Variants in ASIC2 observed in about 807,000 individuals in gnomAD.
ASIC2 encodes acid sensing ion channel subunit 2.
ASIC2 carries 25 observed loss-of-function variants against 57.3 expected under a neutral mutation model. The observed-to-expected ratio is 0.44, with a 90% CI of 0.32 to 0.61. ASIC2 has a LOEUF of 0.61. Among genes scored for constraint, ASIC2 ranks in the 20% least tolerant of loss-of-function variants. The pLI, the probability that ASIC2 is intolerant of heterozygous loss-of-function variation, is 0.06. For synonymous variants in ASIC2, 319 were observed against 307.5 expected, an observed-to-expected ratio of 1.04 and a Z score of -0.39; for missense variants, 641 against 738.1, an observed-to-expected ratio of 0.87 and a Z score of 1.52.
At chr17:33,440,143 G>A (rs926963112) in intron 1 of ASIC2, among the ~76,000 whole-genome samples, 1 of 152,070 alleles carries the variant, frequency 6.6e-6, no homozygotes, top group Non-Finnish European at 1.5e-5. Flanking sequence ...GCCCATTTGC[G>A]GTCAATCCAC....
rs35560031 is a variant in ASIC2, at chr17:33,560,181, G to A, written c.556-448114C>T. Among the ~76,000 whole-genome samples the A allele has an allele frequency of 7.6e-3, 1,160 of 152,312 alleles. 9 individuals are homozygous for A. Among genetic ancestry groups the A allele is most frequent in the African/African-American group, 0.025 (1,023 of 41,560 alleles). On this transcript the variant is annotated intron_variant, in intron 1 of 9. Coordinates refer to the ASIC2 transcript ENST00000359872. The stretch of plus-strand genomic sequence containing the variant: ...CACAGACAGACAGATGGACATGTGC[G>A]CAGGCAGAGGCAATCATCAATTTGC...
chr17:33,757,613 A>T (rs1386603364), intron 1 of ASIC2, among the ~76,000 whole-genome samples: 1 of 152,218 alleles, frequency 6.6e-6, no homozygotes, highest in East Asian at 1.9e-4. Context: ...CACAACAAAT[A>T]CAGCTCTTAG....
intron 1 of ASIC2, among the ~76,000 whole-genome samples, chr17:34,106,275 T>C (rs755364396): frequency 1.3e-5 from 2 of 152,168 alleles, no homozygotes; most frequent in African/African-American, 2.4e-5. Flanking sequence ...TGTTGCCAAT[T>C]TTTTGAAAAT....
intron 1 of ASIC2, among the ~76,000 whole-genome samples, chr17:33,499,415 C>A (rs893271248): frequency 2.0e-5 from 3 of 152,178 alleles, no homozygotes; most frequent in African/African-American, 4.8e-5. Flanking sequence ...GATGAAAGAA[C>A]ACCATGTGAG....
intron 1 of ASIC2, among the ~76,000 whole-genome samples, chr17:34,117,680 G>T (rs1035746093): frequency 3.3e-5 from 5 of 152,142 alleles, no homozygotes; most frequent in Non-Finnish European, 7.4e-5. Flanking sequence ...AGAAAGGCTG[G>T]ATTCAAGATA....
intron 1 of ASIC2, among the ~76,000 whole-genome samples, chr17:33,659,900 A>C (rs1336439212): frequency 1.4e-5 from 2 of 148,136 alleles, no homozygotes; most frequent in Non-Finnish European, 3.0e-5. Context: ...ATAAATAAAT[A>C]AATAAATAAA....
At chr17:33,367,578 C>T (rs1908862405) in intron 1 of ASIC2, among the ~76,000 whole-genome samples, 2 of 152,350 alleles carry the variant, frequency 1.3e-5, no homozygotes, top group Admixed American at 6.5e-5. Context: ...TACCTGCCTC[C>T]CTTCATGCCT....
At chr17:33,824,439 A>G (rs1026539760) in intron 1 of ASIC2, among the ~76,000 whole-genome samples, 4 of 151,748 alleles carry the variant, frequency 2.6e-5, no homozygotes, top group African/African-American at 7.3e-5. Flanking sequence ...TTTTAAAATT[A>G]TATACATATA....
chr17:33,016,522 C>T (rs974841513), intron 8 of ASIC2, among the ~76,000 whole-genome samples: 1 of 152,118 alleles, frequency 6.6e-6, no homozygotes, highest in Non-Finnish European at 1.5e-5. Flanking sequence ...AATCTGTTAC[C>T]TGGTGTGATT....
In ASIC2 at chr17:33,861,088, T is replaced by C. The variant is rs554097014; in HGVS notation, c.555+294890A>G. Among the ~76,000 whole-genome samples, 127 of 152,274 alleles carry C rather than the reference T, an allele frequency of 8.3e-4. 1 individual carries two copies. The highest frequency in any genetic ancestry group is 5.9e-5 in the Non-Finnish European group (4 of 68,014). The stretch of plus-strand genomic sequence containing the variant: ...ACAACAATAATTCTTGAAAAGAAAG[T>C]CACCTGAGATATTAAATAGAAGGAA... On this transcript the variant is annotated intron_variant, in intron 1 of 9. Coordinates refer to the ASIC2 transcript ENST00000359872.
rs1487379606 is a variant in ASIC2 at position 33,245,746 on chromosome 17, G to T, written c.708+45662C>A. ...GCAAAGAGCCTGGTGGGCTCCTCAA[G>T]AAACTGGGAGGAGGTCAAGTGCCAG... is the stretch of plus-strand genomic sequence containing the variant. On this transcript the variant is annotated intron_variant, in intron 1 of 9. Coordinates refer to ENST00000225823, the MANE Select transcript of ASIC2 (RefSeq NM_183377.2). 4.8e-4 allele frequency among the ~76,000 whole-genome samples: 73 copies of T among 152,182 alleles called. 1 individual carries two copies. Among genetic ancestry groups the T allele is most frequent in the Admixed American group, 4.8e-3 (73 of 15,280 alleles).
chr17:34,146,003 C>T lies in ASIC2; in HGVS notation c.555+9975G>A, dbSNP rs892789416. ...AACTTAGGAAATGAGAATGCAGGTG[C>T]TGATAAAAGTGTATGCTAGAATGTG... On this transcript the variant is annotated intron_variant, in intron 1 of 9. Coordinates refer to the ASIC2 transcript ENST00000359872. 3.3e-5 allele frequency among the ~76,000 whole-genome samples: 5 copies of T among 152,204 alleles called. No individual in the cohort carries two copies. The East Asian group carries it at 7.7e-4, about 23-fold the overall frequency.
At chr17:33,469,753 T>C (rs574625847) in intron 1 of ASIC2, among the ~76,000 whole-genome samples, 1 of 152,290 alleles carries the variant, frequency 6.6e-6, no homozygotes, top group East Asian at 1.9e-4. Flanking sequence ...TATTAAAAAG[T>C]ATACAGGGAA....
chr17:33,953,772 C>A (rs529725204), intron 1 of ASIC2, among the ~76,000 whole-genome samples: 1 of 151,976 alleles, frequency 6.6e-6, no homozygotes, highest in African/African-American at 2.4e-5. Flanking sequence ...GTGGCTTGGA[C>A]GGGAGAATGT....
At chr17:33,393,592 C>G (rs180794722) in intron 1 of ASIC2, among the ~76,000 whole-genome samples, 1 of 152,126 alleles carries the variant, frequency 6.6e-6, no homozygotes, top group Non-Finnish European at 1.5e-5. Context: ...AGTTATATAA[C>G]TTCTTAGGCT....
chr17:33,017,808 G>A (rs1178380032), intron 7 of ASIC2, 124 bp from the exon 8 acceptor site: 1 of 837,006 alleles, frequency 1.2e-6, no homozygotes, highest in Non-Finnish European at 1.9e-6. Context: ...GGGCCTTGTT[G>A]TGGGAGGTCC....
chr17:33,952,928 T>C (rs931590361), intron 1 of ASIC2, among the ~76,000 whole-genome samples: 4 of 152,148 alleles, frequency 2.6e-5, no homozygotes, highest in Admixed American at 2.6e-4. Context: ...TTATAAAAGG[T>C]TGGAAGAAAA....
intron 1 of ASIC2, among the ~76,000 whole-genome samples, chr17:33,617,700 A>T (rs1035426192): frequency 3.9e-5 from 6 of 152,202 alleles, no homozygotes; most frequent in Admixed American, 6.5e-5. Flanking sequence ...TTTTATATGA[A>T]ATAAATGGTA....
At chr17:34,138,235 G>A (rs1247010169) in intron 1 of ASIC2, among the ~76,000 whole-genome samples, 5 of 152,130 alleles carry the variant, frequency 3.3e-5, no homozygotes, top group Admixed American at 6.5e-5. Context: ...GTACCTCCCC[G>A]ATTGTGTCCC....
Sources: gnomAD v4.1 joint callset for allele counts (sites outside exome capture counted in the v4.1 genomes callset) on GRCh38, gnomAD v4.1.1 for gene constraint, MANE v1.5 for transcripts, NCBI Gene and HGNC (gene_info 2026-07-23, HGNC 2026-07-21) for gene names.